Variants in TRHR observed in about 807,000 individuals in gnomAD.
TRHR encodes the protein thyrotropin releasing hormone receptor, also known as thyrotropin-releasing hormone receptor.
Under a neutral mutation model 28.0 loss-of-function variants are expected in TRHR, and 14 were observed. The observed-to-expected ratio is 0.50, with a 90% CI of 0.33 to 0.78. The LOEUF (loss-of-function observed/expected upper bound fraction) is 0.78. Ranked by LOEUF, TRHR falls within the 30% of genes least tolerant of loss-of-function variation. The pLI is 0.02. For missense variants in TRHR, 438 were observed against 469.5 expected (o/e 0.93, Z 0.62); for synonymous variants, 176 against 171.9 (o/e 1.02, Z -0.18).
rs1419048636 is a variant in TRHR, at chr8:109,121,371, T to C, written c.*1916T>C. ...ATTGGTGAAAAAGGGGATTGGAATA[T>C]ACGAGATTTTTTCATTACAGAAAGG... is the stretch of plus-strand genomic sequence containing the variant. On this transcript the variant is annotated 3_prime_UTR_variant, in exon 3 of 3. Coordinates refer to ENST00000518632, the MANE Select transcript of TRHR (RefSeq NM_003301.7). Among the ~76,000 whole-genome samples the C allele has an allele frequency of 6.6e-6, 1 of 151,696 alleles. No homozygotes were observed. Among genetic ancestry groups the C allele is most frequent in the African/African-American group, 2.4e-5 (1 of 41,364 alleles).
chr8:109,118,039 G>T lies in TRHR; in HGVS notation c.790-1009G>T, dbSNP rs188950426. Among the ~76,000 whole-genome samples, 3 of 151,994 alleles carry T rather than the reference G, an allele frequency of 2.0e-5. No individual in the cohort carries two copies. The East Asian group carries it at 5.8e-4, about 30-fold the overall frequency. ...TCCTGTGCATTGCTTATACTTAGGA[G>T]TGGCTTCAGCATTAGGTAAAATTCC... On this transcript the variant is annotated intron_variant, in intron 2 of 2. Coordinates refer to ENST00000518632, the MANE Select transcript of TRHR (RefSeq NM_003301.7).
At chr8:109,089,157 A>G (rs556391319) in intron 2 of TRHR, among the ~76,000 whole-genome samples, 1 of 152,186 alleles carries the variant, frequency 6.6e-6, no homozygotes, top group East Asian at 1.9e-4. Context: ...ACATTTATCT[A>G]TATACAATTG....
intron 2 of TRHR, among the ~76,000 whole-genome samples, chr8:109,095,834 C>G (rs544873645): frequency 1.3e-5 from 2 of 152,094 alleles, no homozygotes; most frequent in African/African-American, 4.8e-5. Context: ...GTTATCCCCC[C>G]GCCCCCCATA....
At chr8:109,094,110 ATTC>A (rs1184055685) in intron 2 of TRHR, among the ~76,000 whole-genome samples, 1 of 152,174 alleles carries the variant, frequency 6.6e-6, no homozygotes, top group African/African-American at 2.4e-5. Flanking sequence ...CAACAGACTC[ATTC>A]TTCTCCCCAG....
chr8:109,110,334 A>ACCC (rs1811811916), intron 2 of TRHR, among the ~76,000 whole-genome samples: 1 of 152,158 alleles, frequency 6.6e-6, no homozygotes, highest in Non-Finnish European at 1.5e-5. Flanking sequence ...ACAGTGAGCT[A>ACCC]TGATTACACC....
chr8:109,105,505 C>T (rs1191944920), intron 2 of TRHR, among the ~76,000 whole-genome samples: 1 of 152,068 alleles, frequency 6.6e-6, no homozygotes, highest in Admixed American at 6.6e-5. Context: ...CAGCAATGAA[C>T]AAATATGACA....
intron 2 of TRHR, among the ~76,000 whole-genome samples, chr8:109,098,820 AC>A (rs1811634976): frequency 6.6e-6 from 1 of 152,142 alleles, no homozygotes; most frequent in African/African-American, 2.4e-5. Context: ...TTTCCTGACC[AC>A]CACTGGCAGG....
chr8:109,088,869 C>T (rs1811482251), intron 2 of TRHR, among the ~76,000 whole-genome samples: 1 of 152,172 alleles, frequency 6.6e-6, no homozygotes, highest in Non-Finnish European at 1.5e-5. Flanking sequence ...GCTCCCTACA[C>T]AGTGTCCCAG....
chr8:109,116,333 G>T (rs2129935266), intron 2 of TRHR, among the ~76,000 whole-genome samples: 1 of 152,270 alleles, frequency 6.6e-6, no homozygotes, highest in South Asian at 2.1e-4. Context: ...GATTAGGGAG[G>T]ATTCCCTCTT....
At position 109,121,082 on chromosome 8, in the gene TRHR, C is replaced by CTTTT. The variant is rs397691686; in HGVS notation, c.*1636_*1639dup. ...ATCCAGAACCTCATTCTAGAGTGCG[C>CTTTT]TTTTTTTTTTTTGAAAATTGGCCTT... is the stretch of plus-strand genomic sequence containing the variant. On this transcript the variant is annotated 3_prime_UTR_variant, in exon 3 of 3. Transcript: ENST00000518632. Among the ~76,000 whole-genome samples the CTTTT allele has an allele frequency of 1.5e-4, 22 of 144,334 alleles. No individual in the cohort carries two copies. The highest frequency in any genetic ancestry group is 5.6e-4 in the African/African-American group (22 of 39,602). 94.7% of individuals were successfully genotyped at this position (144,334 alleles called of 152,430 possible). A position where few individuals can be genotyped will look rare whatever the true frequency, so the allele number is the denominator to read the frequency against.
intron 2 of TRHR, among the ~76,000 whole-genome samples, chr8:109,097,690 G>A (rs1342964613): frequency 6.6e-6 from 1 of 152,088 alleles, no homozygotes; most frequent in South Asian, 2.1e-4. Context: ...TAAAATACAA[G>A]AAGACCCTCC....
Position 109,088,095 on chromosome 8 carries a change from G to A in TRHR, c.583G>A (p.Asp195Asn). 6.2e-7 allele frequency: 1 copy of A among 1,614,028 alleles called. No individual in the cohort carries two copies. Among genetic ancestry groups the A allele is most frequent in the Non-Finnish European group, 8.5e-7 (1 of 1,180,016 alleles). Residue 195 changes from aspartate to asparagine, a missense_variant, in exon 2 of 3, where the codon GAC becomes AAC. Coordinates refer to ENST00000518632, the MANE Select transcript of TRHR (RefSeq NM_003301.7). ...TTACTACTCACCTATTTACCTAATG[G>A]ACTTTGGTGTCTTTTATGTTGTGCC... The part of the protein sequence containing the change: ...RNYYSPIYLM[D>N]FGVFYVVPMI...
At chr8:109,094,796 A>G (rs749547059) in intron 2 of TRHR, among the ~76,000 whole-genome samples, 2 of 152,010 alleles carry the variant, frequency 1.3e-5, no homozygotes, top group Admixed American at 1.3e-4. Flanking sequence ...AAATTATTCC[A>G]TATGCCTACA....
rs775746764 is a variant in TRHR, at chr8:109,088,237, A to G, written c.725A>G (p.Asn242Ser). The G allele has an allele frequency of 6.2e-7, 1 of 1,614,124 alleles. No homozygotes were observed. The highest frequency in any genetic ancestry group is 8.5e-7 in the Non-Finnish European group (1 of 1,180,024). Residue 242 changes from asparagine (N) to serine (S), a missense_variant, in exon 2 of 3, where the codon AAC becomes AGC. Transcript: ENST00000518632. ...TGGAAAAATGATTCAACCCATCAGA[A>G]CACAAATCTGAATGTAAATACCTCT... The part of the protein sequence containing the change: ...KTWKNDSTHQ[N>S]TNLNVNTSNR...
At position 109,120,663 on chromosome 8, in the gene TRHR, C is replaced by T. The variant is rs1399942408; in HGVS notation, c.*1208C>T. On this transcript the variant is annotated 3_prime_UTR_variant, in exon 3 of 3. Transcript: ENST00000518632. ...TTTTCAGCAGAGTTAAAACTGATTT[C>T]ATCATATTATCAGTATGTCATCTTT... Among the ~76,000 whole-genome samples the T allele has an allele frequency of 6.6e-6, 1 of 151,732 alleles. No homozygotes were observed. The highest frequency in any genetic ancestry group is 6.6e-5 in the Admixed American group (1 of 15,188).
rs138121491 is a variant in TRHR, at chr8:109,087,617, T to G, written c.105T>G (p.Ile35Met). 2 of 1,614,216 alleles carry G rather than the reference T, an allele frequency of 1.2e-6. No individual in the cohort carries two copies. Among genetic ancestry groups the G allele is most frequent in the East Asian group, 2.2e-5 (1 of 44,882 alleles). ...TCACCATCTTACTTGTACTCATTAT[T>G]TGTGGCCTGGGCATTGTAGGCAACA... is the stretch of plus-strand genomic sequence containing the variant. ...QVVTILLVLI[I>M]CGLGIVGNIM... Residue 35 changes from isoleucine to methionine, a missense_variant, in exon 2 of 3, where the codon ATT (isoleucine) becomes ATG (methionine). Coordinates refer to ENST00000518632, the MANE Select transcript of TRHR (RefSeq NM_003301.7).
At position 109,095,567 on chromosome 8, in the gene TRHR, C is replaced by G. The variant is rs527443331; in HGVS notation, c.789+7266C>G. ...TTCCCGCCTCTCCTCCCCATCCTGT[C>G]CCTTGTCATTCTACATACTTTCTTC... On this transcript the variant is annotated intron_variant, in intron 2 of 2. Coordinates refer to ENST00000518632, the MANE Select transcript of TRHR (RefSeq NM_003301.7). 3.9e-5 allele frequency among the ~76,000 whole-genome samples: 6 copies of G among 152,144 alleles called. No homozygotes were observed. In the South Asian group the frequency reaches 1.3e-3, roughly 32 times the overall value.
At chr8:109,113,641 A>G (rs1279233841) in intron 2 of TRHR, among the ~76,000 whole-genome samples, 1 of 152,126 alleles carries the variant, frequency 6.6e-6, no homozygotes, top group African/African-American at 2.4e-5. Flanking sequence ...ATTAATTGTG[A>G]CTAATCTACC....
chr8:109,105,165 T>C (rs1158568347), intron 2 of TRHR, among the ~76,000 whole-genome samples: 3 of 152,166 alleles, frequency 2.0e-5, no homozygotes, highest in African/African-American at 7.2e-5. Flanking sequence ...GTGTAATTTA[T>C]CCTGTGATTT....
Sources: allele counts gnomAD v4.1 joint callset (sites outside exome capture counted in the v4.1 genomes callset), GRCh38; gene constraint gnomAD v4.1.1; transcripts MANE v1.5; gene names NCBI Gene and HGNC (gene_info 2026-07-23, HGNC 2026-07-21).